Variants in NDE1 observed in about 807,000 individuals in gnomAD.
NDE1 encodes the protein nuclear distribution protein nudE homolog 1.
In NDE1, 28 loss-of-function variants were observed where a neutral mutation model predicts 43.4. The observed-to-expected ratio is 0.65, with a 90% CI of 0.48 to 0.89. NDE1 has a LOEUF of 0.89. Among genes scored for constraint, NDE1 ranks in the 40% least tolerant of loss-of-function variants. The pLI, the probability that NDE1 is intolerant of heterozygous loss-of-function variation, is 0.00. For synonymous variants in NDE1, 184 were observed against 172.0 expected, an observed-to-expected ratio of 1.07 and a Z score of -0.55; for missense variants, 441 against 434.1, an observed-to-expected ratio of 1.02 and a Z score of -0.14.
At chr16:15,713,919 A>C (rs770062417) in intron 8 of NDE1, 13 of 152,430 alleles carry the variant, frequency 8.5e-5, no homozygotes, top group Non-Finnish European at 1.8e-4. Flanking sequence ...GATGGCATTA[A>C]TGGAGTGAAG....
chr16:15,719,636 C>G lies in NDE1; in HGVS notation c.948-4555C>G, dbSNP rs765569537. On this transcript the variant is annotated intron_variant, in intron 8 of 8. Transcript: ENST00000396354. The stretch of plus-strand genomic sequence containing the variant: ...CCAAGCTCTTGGCTTTCTTCTCATT[C>G]TCTTTGGCTGTGGCAAAGATCTCAT... 3.1e-6 allele frequency: 5 copies of G among 1,614,218 alleles called. No homozygotes were observed. Among genetic ancestry groups the G allele is most frequent in the Non-Finnish European group, 4.2e-6 (5 of 1,180,034 alleles).
rs138573101 is a variant in NDE1, at chr16:15,724,287, G to C, written c.*36G>C. On this transcript the variant is annotated 3_prime_UTR_variant, in exon 9 of 9. Transcript: ENST00000396354. ...TGGTCTTTTCCAGTTTATCATAAGC[G>C]GCCGCCTTCTCCTCGTACTGCTGGG... 6.2e-7 allele frequency: 1 copy of C among 1,614,030 alleles called. No homozygotes were observed. The highest frequency in any genetic ancestry group is 1.1e-5 in the South Asian group (1 of 91,088).
intron 4 of NDE1, among the ~76,000 whole-genome samples, chr16:15,680,252 G>C (rs766635511): frequency 1.3e-5 from 2 of 152,084 alleles, no homozygotes; most frequent in African/African-American, 2.4e-5. Context: ...CGTGTGGTTT[G>C]GGGGAGGCCA....
chr16:15,650,513 A>C (rs894740952), intron 1 of NDE1, among the ~76,000 whole-genome samples: 1 of 152,168 alleles, frequency 6.6e-6, no homozygotes, highest in Non-Finnish European at 1.5e-5. Context: ...CCCGTCCTAA[A>C]AAGTTAGGCA....
At chr16:15,671,877 A>G (rs1038221819) in intron 3 of NDE1, among the ~76,000 whole-genome samples, 1 of 151,906 alleles carries the variant, frequency 6.6e-6, no homozygotes, top group Non-Finnish European at 1.5e-5. Flanking sequence ...TATTTTTTGT[A>G]GAGACGGGTT....
At position 15,677,860 on chromosome 16, in the gene NDE1, C is replaced by T; in HGVS notation, c.297C>T (p.Asp99=). The part of the protein sequence containing the change: ...GYRQISALED[D]LAQTKAIKDQ... ...GGCAGATCTCAGCCTTGGAGGATGA[C>T]CTCGCGCAGACCAAAGCCATTAAAG... Residue 99 remains aspartate, a synonymous_variant, in exon 4 of 9, where the codon GAC becomes GAT. Coordinates refer to ENST00000396354, the MANE Select transcript of NDE1 (RefSeq NM_017668.3). The T allele has an allele frequency of 6.2e-7, 1 of 1,614,064 alleles. No homozygotes were observed. Among genetic ancestry groups the T allele is most frequent in the Non-Finnish European group, 8.5e-7 (1 of 1,180,020 alleles).
At chr16:15,694,342 C>A in intron 7 of NDE1, 86 bp downstream of exon 7, 2 of 1,560,190 alleles carry the variant, frequency 1.3e-6, no homozygotes, top group Non-Finnish European at 1.7e-6. Context: ...CCTTCCCTCT[C>A]TTCTTTTTTT....
chr16:15,725,162 C>G lies in NDE1; in HGVS notation c.*911C>G. 2 of 636,384 alleles carry G rather than the reference C, an allele frequency of 3.1e-6. No homozygotes were observed. The highest frequency in any genetic ancestry group is 2.7e-6 in the Non-Finnish European group (1 of 363,990). The allele number at this position is 636,384 out of a possible 1,614,324, so 39.4% of individuals were successfully genotyped here. A position where few individuals can be genotyped will look rare whatever the true frequency, so the allele number is the denominator to read the frequency against. On this transcript the variant is annotated 3_prime_UTR_variant, in exon 9 of 9. Coordinates refer to ENST00000396354, the MANE Select transcript of NDE1 (RefSeq NM_017668.3). ...AAAAAAAAAAAAACACACACACACA[C>G]AAAAAAAACAGAATCTGTGGCTTGA...
intron 1 of NDE1, among the ~76,000 whole-genome samples, chr16:15,644,977 TGGCAGGATC>T (rs953145738): frequency 1.9e-4 from 28 of 150,958 alleles, no homozygotes; most frequent in African/African-American, 6.8e-4. Context: ...TGGAGTGCAG[TGGCAGGATC>T]TTGGCTCACT....
intron 6 of NDE1, among the ~76,000 whole-genome samples, chr16:15,692,940 G>C (rs899860260): frequency 1.3e-5 from 2 of 151,484 alleles, no homozygotes; most frequent in African/African-American, 2.4e-5. Context: ...CTTACCTGGG[G>C]ATCTTGGTAG....
intron 8 of NDE1, chr16:15,717,585 A>G: frequency 1.7e-6 from 1 of 591,656 alleles, no homozygotes; most frequent in Non-Finnish European, 3.0e-6. Context: ...ACTTGAGCTC[A>G]GGAGTTCGAG....
At chr16:15,718,476 C>A in intron 8 of NDE1, 1 of 1,538,092 alleles carries the variant, frequency 6.5e-7, no homozygotes, top group Non-Finnish European at 8.7e-7. Context: ...CCTCTACCCT[C>A]CCCCGCCTTA....
In NDE1 at chr16:15,687,358, G is replaced by A. The variant is rs1170218082; in HGVS notation, c.387-17G>A. ...GCGGTTTGTCCTCTTGGATAACTCT[G>A]CTTTTCTCTTCGCCAGCGCCACGAT... is the stretch of plus-strand genomic sequence containing the variant. On this transcript the variant is annotated splice_polypyrimidine_tract_variant and intron_variant, in intron 4 of 8. Coordinates refer to ENST00000396354, the MANE Select transcript of NDE1 (RefSeq NM_017668.3). 6.2e-7 allele frequency: 1 copy of A among 1,614,078 alleles called. No homozygotes were observed. The highest frequency in any genetic ancestry group is 8.5e-7 in the Non-Finnish European group (1 of 1,179,976).
chr16:15,673,484 C>T (rs576671920), intron 3 of NDE1, among the ~76,000 whole-genome samples: 5 of 152,104 alleles, frequency 3.3e-5, no homozygotes, highest in Admixed American at 2.6e-4. Flanking sequence ...GAACTACAGC[C>T]GTGCACCACT....
intron 8 of NDE1, among the ~76,000 whole-genome samples, chr16:15,707,484 A>T (rs778641630): frequency 1.3e-5 from 2 of 152,170 alleles, no homozygotes; most frequent in Non-Finnish European, 2.9e-5. Context: ...CTATGATCCC[A>T]ATCAGCTGGT....
chr16:15,694,352 T>TC, intron 7 of NDE1, 96 bp downstream of exon 7: 1 of 1,550,642 alleles, frequency 6.4e-7, no homozygotes. Context: ...CTTCTTTTTT[T>TC]CTTTTTTTTT....
At chr16:15,692,080 T>C (rs767337044) in intron 6 of NDE1, among the ~76,000 whole-genome samples, 21 of 150,640 alleles carry the variant, frequency 1.4e-4, no homozygotes, top group Non-Finnish European at 8.8e-5. Context: ...AAAAAAAGAA[T>C]CTCAGTTCTC....
chr16:15,701,428 A>C (rs1221600553), intron 8 of NDE1: 1 of 152,110 alleles, frequency 6.6e-6, no homozygotes, highest in Non-Finnish European at 1.5e-5. Context: ...GGGTGGGGGG[A>C]ATTCTGCCTC....
Position 15,724,176 on chromosome 16 carries a change from C to T in NDE1, c.948-15C>T. On this transcript the variant is annotated splice_polypyrimidine_tract_variant and intron_variant, in intron 8 of 8. Transcript: ENST00000396354. ...CGCCCTCTACCTGATCAAATTTCCT[C>T]TGCTTCTTTTCCAGGTTGGACACGA... The T allele has an allele frequency of 1.2e-6, 2 of 1,613,820 alleles. No homozygotes were observed. Among genetic ancestry groups the T allele is most frequent in the South Asian group, 1.1e-5 (1 of 91,062 alleles).
Sources: allele counts gnomAD v4.1 joint callset (sites outside exome capture counted in the v4.1 genomes callset), GRCh38; gene constraint gnomAD v4.1.1; transcripts MANE v1.5; gene names NCBI Gene and HGNC (gene_info 2026-07-23, HGNC 2026-07-21).